ZNF492: variants seen among roughly 807,000 people sequenced by gnomAD.
ZNF492 encodes the protein zinc finger protein 115 (Y20).
ZNF492 carries 3 observed loss-of-function variants against 6.4 expected under a neutral mutation model. The ratio of observed to expected loss-of-function variants is 0.47; its 90% CI spans 0.21 to 1.22. ZNF492 has a LOEUF of 1.22. Among genes scored for constraint, ZNF492 ranks in the 50% most tolerant of loss-of-function variants. The pLI is 0.22. For missense variants in ZNF492, 356 were observed against 612.5 expected, an observed-to-expected ratio of 0.58 and a Z score of 4.42; for synonymous variants, 112 against 205.3, an observed-to-expected ratio of 0.55 and a Z score of 3.89.
chr19:22,655,624 G>T (rs1971986245), intron 3 of ZNF492, among the ~76,000 whole-genome samples: 1 of 143,940 alleles, frequency 6.9e-6, no homozygotes, highest in African/African-American at 2.6e-5. Flanking sequence ...AAGATCAAAT[G>T]ATCTACAAAA....
At position 22,647,730 on chromosome 19, in the gene ZNF492, T is replaced by TTTTTTTTTTG. The variant is rs1192695299; in HGVS notation, c.-93-5568_-93-5567insGTTTTTTTTT. Among the ~76,000 whole-genome samples the TTTTTTTTTTG allele has an allele frequency of 9.2e-4, 121 of 132,240 alleles. 1 individual carries two copies. Among genetic ancestry groups the TTTTTTTTTTG allele is most frequent in the South Asian group, 1.5e-3 (6 of 4,022 alleles). 86.8% of individuals were successfully genotyped at this position (132,240 alleles called of 152,430 possible). A position where few individuals can be genotyped will look rare whatever the true frequency, so the allele number is the denominator to read the frequency against. ...CTCTTGCTTTCTAGCTCTTTTAGTT[T>TTTTTTTTTTG]TTTTTTTTTTTTTTTTTGAGATGGA... On this transcript the variant is annotated intron_variant, in intron 1 of 3. Transcript: ENST00000456783.
intron 1 of ZNF492, among the ~76,000 whole-genome samples, chr19:22,651,668 A>G (rs557136002): frequency 3.4e-4 from 52 of 152,060 alleles, no homozygotes; most frequent in Non-Finnish European, 5.6e-4. Context: ...CTTCGTGGCT[A>G]TGGAACATGG....
In ZNF492 at chr19:22,641,641, C is replaced by G. The variant is rs183179825; in HGVS notation, c.-94+7167C>G. 6.7e-3 allele frequency among the ~76,000 whole-genome samples: 1,026 copies of G among 152,152 alleles called. 7 individuals carry two copies. Among genetic ancestry groups the G allele is most frequent in the African/African-American group, 0.023 (936 of 41,508 alleles). Reference sequence around the variant, plus strand: ...GTTTAGTCAAGTGTTGAGTTTAGGTCTTAATATCTTTGTTAATTTTCTGCC... The same window carrying G: ...GTTTAGTCAAGTGTTGAGTTTAGGTGTTAATATCTTTGTTAATTTTCTGCC... On this transcript the variant is annotated intron_variant, in intron 1 of 3. Transcript: ENST00000456783.
intron 1 of ZNF492, among the ~76,000 whole-genome samples, chr19:22,637,821 T>C (rs1167641961): frequency 6.6e-6 from 1 of 152,222 alleles, no homozygotes; most frequent in Non-Finnish European, 1.5e-5. Flanking sequence ...AGTGGTTGAA[T>C]AATTTACACT....
At chr19:22,639,339 T>C (rs549675803) in intron 1 of ZNF492, among the ~76,000 whole-genome samples, 1 of 152,290 alleles carries the variant, frequency 6.6e-6, no homozygotes, top group South Asian at 2.1e-4. Context: ...TGCATGTTTT[T>C]GATTTACAGG....
intron 3 of ZNF492, among the ~76,000 whole-genome samples, chr19:22,658,380 C>T (rs868281557): frequency 6.6e-6 from 1 of 151,296 alleles, no homozygotes; most frequent in South Asian, 2.1e-4. Context: ...TGCCATGCAC[C>T]CCAGCTTGGG....
intron 3 of ZNF492, among the ~76,000 whole-genome samples, chr19:22,659,664 G>GTTTTTTTTTTTTTTTTTTTTTT (rs1568356633): frequency 7.9e-6 from 1 of 126,932 alleles, no homozygotes; most frequent in Non-Finnish European, 1.6e-5. Flanking sequence ...GTTTTTTTTT[G>GTTTTTTTTTTTTTTTTTTTTTT]TTGTTTTTTT....
chr19:22,647,760 C>T (rs74169640), intron 1 of ZNF492, among the ~76,000 whole-genome samples: 19,479 of 118,366 alleles, frequency 0.16, 2,032 homozygotes, highest in African/African-American at 0.31. Context: ...GATGGAGACT[C>T]ACTCTGTCAC....
chr19:22,642,624 C>T (rs573337015), intron 1 of ZNF492, among the ~76,000 whole-genome samples: 21 of 152,110 alleles, frequency 1.4e-4, no homozygotes, highest in African/African-American at 4.6e-4. Flanking sequence ...CTCCTGACCT[C>T]GTGATCCACC....
intron 1 of ZNF492, among the ~76,000 whole-genome samples, chr19:22,644,172 A>C (rs1019467441): frequency 6.6e-6 from 1 of 152,234 alleles, no homozygotes; most frequent in South Asian, 2.1e-4. Context: ...TTGTCCAGAG[A>C]ATCTTATCTG....
Position 22,653,394 on chromosome 19 carries a change from A to G in ZNF492, c.-6A>G. The G allele has an allele frequency of 1.2e-6, 2 of 1,614,002 alleles. No individual in the cohort carries two copies. The highest frequency in any genetic ancestry group is 2.2e-5 in the South Asian group (2 of 91,082). ...CACCGCACAGCAGAATTTATATAGG[A>G]ATGTGATGTTAGAGAACTACAGAAA... is the stretch of plus-strand genomic sequence containing the variant. On this transcript the variant is annotated 5_prime_UTR_variant, in exon 2 of 4. Transcript: ENST00000456783.
chr19:22,642,728 C>A (rs1486871725), intron 1 of ZNF492, among the ~76,000 whole-genome samples: 1 of 151,954 alleles, frequency 6.6e-6, no homozygotes, highest in Non-Finnish European at 1.5e-5. Flanking sequence ...TTATTTGTAA[C>A]CTGAGATTCA....
intron 1 of ZNF492, among the ~76,000 whole-genome samples, chr19:22,635,763 AG>A (rs1234519969): frequency 2.0e-5 from 3 of 152,248 alleles, no homozygotes. Flanking sequence ...TGTCTGCTAG[AG>A]TATCTAGTGA....
chr19:22,639,102 A>C (rs1282873899), intron 1 of ZNF492, among the ~76,000 whole-genome samples: 2 of 152,010 alleles, frequency 1.3e-5, no homozygotes, highest in Non-Finnish European at 2.9e-5. Flanking sequence ...AGCCTCCCAA[A>C]GTGCTGGGAC....
At position 22,666,679 on chromosome 19, in the gene ZNF492, G is replaced by A. The variant is rs961716744; in HGVS notation, c.*1414G>A. 1 of 152,106 alleles carries A rather than the reference G, an allele frequency of 6.6e-6. No individual in the cohort carries two copies. Among genetic ancestry groups the A allele is most frequent in the African/African-American group, 2.4e-5 (1 of 41,396 alleles). 9.4% of individuals were successfully genotyped at this position (152,106 alleles called of 1,614,324 possible). Reference sequence around the variant, plus strand: ...CTTACAGTACTGAGTGATGCATGAGGTAGGTGTTCTGAGTAATATTCTGCA... The same window carrying A: ...CTTACAGTACTGAGTGATGCATGAGATAGGTGTTCTGAGTAATATTCTGCA... On this transcript the variant is annotated 3_prime_UTR_variant, in exon 4 of 4. Transcript: ENST00000456783.
At position 22,663,878 on chromosome 19, in the gene ZNF492, G is replaced by C. The variant is rs12975335; in HGVS notation, c.209G>C (p.Arg70Thr). The change falls in exon 4 of 4, where the codon AGA becomes ACA. Residue 70 changes from arginine to threonine, a missense_variant. Arg to Thr is a moderately conservative substitution (Grantham distance 71, BLOSUM62 -1). Around this residue, in one of 7 missense-constraint regions of ZNF492, gnomAD observed 196 missense variants for 219.4 expected, o/e 0.89. Coordinates refer to ENST00000456783, the MANE Select transcript of ZNF492 (RefSeq NM_020855.3). The part of the protein sequence containing the change: ...KNYFQKVILR[R>T]YKKCGCENLQ... ...TATTTCCAAAAAGTGATACTGAGAA[G>C]ATATAAAAAATGTGGATGTGAAAAT... is the stretch of plus-strand genomic sequence containing the variant. The C allele has an allele frequency of 0.07, 100,279 of 1,434,904 alleles. 10,459 individuals carry two copies. The highest frequency in any genetic ancestry group is 0.31 in the African/African-American group (19,907 of 63,904). 88.9% of individuals were successfully genotyped at this position (1,434,904 alleles called of 1,614,324 possible). A position where few individuals can be genotyped will look rare whatever the true frequency, so the allele number is the denominator to read the frequency against.
In ZNF492 at chr19:22,666,826, T is replaced by G. The variant is rs1392655897; in HGVS notation, c.*1561T>G. 2.0e-5 allele frequency: 3 copies of G among 152,230 alleles called. No individual in the cohort carries two copies. Among genetic ancestry groups the G allele is most frequent in the Non-Finnish European group, 4.4e-5 (3 of 68,046 alleles). The allele number at this position is 152,230 out of a possible 1,614,324, so 9.4% of individuals were successfully genotyped here. A position where few individuals can be genotyped will look rare whatever the true frequency, so the allele number is the denominator to read the frequency against. ...TAAAAATTTTAGATTATGTGTGAAC[T>G]TAATTTCTTAATTCAACATTTTTAA... On this transcript the variant is annotated 3_prime_UTR_variant, in exon 4 of 4. Transcript: ENST00000456783.
chr19:22,645,365 G>A (rs1289546649), intron 1 of ZNF492, among the ~76,000 whole-genome samples: 1 of 151,914 alleles, frequency 6.6e-6, no homozygotes, highest in Non-Finnish European at 1.5e-5. Context: ...CTTTTTGATG[G>A]AATTGTTTTT....
chr19:22,664,078 G>A lies in ZNF492; in HGVS notation c.409G>A (p.Gly137Arg). 6.2e-7 allele frequency: 1 copy of A among 1,603,586 alleles called. No homozygotes were observed. The highest frequency in any genetic ancestry group is 8.5e-7 in the Non-Finnish European group (1 of 1,174,538). The change falls in exon 4 of 4, where the codon GGA becomes AGA. Residue 137 changes from glycine to arginine, a missense_variant. Physicochemically the swap from Gly to Arg is moderately radical, Grantham distance 125. Coordinates refer to ENST00000456783, the MANE Select transcript of ZNF492 (RefSeq NM_020855.3). ...NSNRHTIRHT[G>R]KKSFKCKECE... ...AAACAGACATACGATAAGACATACTGGAAAGAAATCTTTCAAATGTAAAGA... is the reference window on the plus strand; with the variant it reads ...AAACAGACATACGATAAGACATACTAGAAAGAAATCTTTCAAATGTAAAGA...
Sources: gnomAD v4.1 joint callset for allele counts (sites outside exome capture counted in the v4.1 genomes callset) on GRCh38, gnomAD v4.1.1 for gene constraint, gnomAD v4.1.1 regional missense constraint, MANE v1.5 for transcripts, NCBI Gene and HGNC (gene_info 2026-07-23, HGNC 2026-07-21) for gene names.